The following CDH13 variants were observed in gnomAD, a reference collection of about 807,000 sequenced individuals.
The protein encoded by CDH13 is cadherin-13.
Under a neutral mutation model 63.8 loss-of-function variants are expected in CDH13, and 24 were observed. That is an observed-to-expected ratio of 0.38 (90% confidence interval 0.27 to 0.53). The LOEUF is 0.53. Ranked by LOEUF, CDH13 falls within the 20% of genes least tolerant of loss-of-function variation. The pLI, the probability that CDH13 is intolerant of heterozygous loss-of-function variation, is 0.85. For missense variants in CDH13, 1,049 were observed against 903.1 expected (o/e 1.16, Z -2.07); for synonymous variants, 503 against 355.3 (o/e 1.42, Z -4.67).
chr16:83,200,021 C>T (rs1235004505), intron 4 of CDH13, among the ~76,000 whole-genome samples: 1 of 152,292 alleles, frequency 6.6e-6, no homozygotes, highest in East Asian at 1.9e-4. Flanking sequence ...CATGGGGAGA[C>T]AGTGGCTGGG....
chr16:83,099,502 T>A, intron 3 of CDH13, among the ~76,000 whole-genome samples: 1 of 151,658 alleles, frequency 6.6e-6, no homozygotes, highest in South Asian at 2.1e-4. Context: ...TTTTGCATTT[T>A]TAGTAGAGAC....
intron 2 of CDH13, among the ~76,000 whole-genome samples, chr16:83,015,677 G>GTATATATATATATATATATATATATA (rs71148803): frequency 2.7e-5 from 1 of 37,568 alleles, no homozygotes; most frequent in Non-Finnish European, 4.9e-5. Context: ...GTGTGTGTAT[G>GTATATATATATATATATATATATATA]TATATATATA....
chr16:83,240,947 G>A (rs1904384681), intron 5 of CDH13, among the ~76,000 whole-genome samples: 1 of 151,938 alleles, frequency 6.6e-6, no homozygotes, highest in Non-Finnish European at 1.5e-5. Context: ...TCTTCATCTT[G>A]CAATAGTAAA....
At position 83,011,489 on chromosome 16, in the gene CDH13, G is replaced by A. The variant is rs374072973; in HGVS notation, c.158-20521G>A. On this transcript the variant is annotated intron_variant, in intron 2 of 13. Transcript: ENST00000567109. ...CTCTCACATATGGTAATCCCCAGGG[G>A]CTTGTACTGTCATGACCCATGTTGC... Among the ~76,000 whole-genome samples, 75 of 152,240 alleles carry A rather than the reference G, an allele frequency of 4.9e-4. No homozygotes were observed. In the South Asian group the frequency reaches 0.015, roughly 30 times the overall value.
chr16:83,307,067 A>G (rs2151881983), intron 5 of CDH13, among the ~76,000 whole-genome samples: 1 of 152,316 alleles, frequency 6.6e-6, no homozygotes, highest in South Asian at 2.1e-4. Flanking sequence ...CATATAAGCT[A>G]CAGTTGGGTG....
chr16:82,676,223 C>T (rs1339227996), intron 1 of CDH13, among the ~76,000 whole-genome samples: 1 of 152,204 alleles, frequency 6.6e-6, no homozygotes, highest in African/African-American at 2.4e-5. Flanking sequence ...TGTATACCCA[C>T]TGCCTACTTG....
intron 4 of CDH13, among the ~76,000 whole-genome samples, chr16:83,148,677 T>C (rs2036853165): frequency 6.6e-6 from 1 of 152,232 alleles, no homozygotes; most frequent in African/African-American, 2.4e-5. Context: ...ATGGTGTTAT[T>C]ATTATTATGA....
intron 3 of CDH13, among the ~76,000 whole-genome samples, chr16:83,076,608 C>T (rs7187105): frequency 0.03 from 4,504 of 152,140 alleles, 227 homozygotes; most frequent in African/African-American, 0.1. Context: ...TTTCCATATA[C>T]TTGCTTTATA....
chr16:83,350,154 T>C (rs1316863918), intron 6 of CDH13, among the ~76,000 whole-genome samples: 1 of 152,146 alleles, frequency 6.6e-6, no homozygotes, highest in African/African-American at 2.4e-5. Flanking sequence ...TCAGCTCCAA[T>C]ATCCTGTCCT....
intron 2 of CDH13, among the ~76,000 whole-genome samples, chr16:82,903,394 G>T (rs956171566): frequency 1.3e-5 from 2 of 152,192 alleles, no homozygotes; most frequent in Admixed American, 6.5e-5. Flanking sequence ...GCTTTGGATT[G>T]CTTTGCCTAC....
chr16:83,306,429 G>A lies in CDH13; in HGVS notation c.637-38433G>A, dbSNP rs564906123. Among the ~76,000 whole-genome samples, 6 of 152,192 alleles carry A rather than the reference G, an allele frequency of 3.9e-5. No homozygotes were observed. In the East Asian group the frequency reaches 1.2e-3, roughly 29 times the overall value. ...TGAGAGCCCAGATTCATTCTTGTGG[G>A]GATGGATTAACTCCCCTGAAAGGAG... On this transcript the variant is annotated intron_variant, in intron 5 of 13. Transcript: ENST00000567109.
At chr16:83,056,070 G>T (rs2030897759) in intron 3 of CDH13, among the ~76,000 whole-genome samples, 3 of 152,262 alleles carry the variant, frequency 2.0e-5, no homozygotes, top group South Asian at 2.1e-4. Flanking sequence ...AACAAAAGAG[G>T]ATATCTACAT....
intron 4 of CDH13, among the ~76,000 whole-genome samples, chr16:83,158,928 C>G (rs180988513): frequency 1.3e-5 from 2 of 152,202 alleles, no homozygotes; most frequent in African/African-American, 2.4e-5. Flanking sequence ...CTAAATAACA[C>G]TGTTCTCAGG....
At chr16:82,916,776 T>C (rs535431709) in intron 2 of CDH13, among the ~76,000 whole-genome samples, 18 of 152,324 alleles carry the variant, frequency 1.2e-4, no homozygotes, top group Non-Finnish European at 2.2e-4. Context: ...ATTTTAATTT[T>C]GAAGTAACAG....
At chr16:83,168,128 C>G (rs2037763626) in intron 4 of CDH13, among the ~76,000 whole-genome samples, 2 of 151,928 alleles carry the variant, frequency 1.3e-5, no homozygotes, top group Non-Finnish European at 2.9e-5. Context: ...CAATGATACT[C>G]AAACCTCAGC....
At chr16:82,893,689 G>A (rs960995863) in intron 2 of CDH13, among the ~76,000 whole-genome samples, 8 of 152,128 alleles carry the variant, frequency 5.3e-5, no homozygotes, top group Admixed American at 1.3e-4. Context: ...GAATCTCTTC[G>A]AGGAAGTTCT....
chr16:83,489,633 T>A (rs1225694364), intron 7 of CDH13, among the ~76,000 whole-genome samples: 2 of 152,198 alleles, frequency 1.3e-5, no homozygotes, highest in Non-Finnish European at 2.9e-5. Context: ...GAGTTTGCAA[T>A]GTTTTCCTCC....
At chr16:83,223,775 G>C (rs565031980) in intron 5 of CDH13, among the ~76,000 whole-genome samples, 17 of 152,356 alleles carry the variant, frequency 1.1e-4, no homozygotes, top group African/African-American at 4.1e-4. Context: ...GTACAGGAAA[G>C]TCCGCTTGCC....
chr16:82,952,433 G>C (rs1216031996), intron 2 of CDH13, among the ~76,000 whole-genome samples: 1 of 152,178 alleles, frequency 6.6e-6, no homozygotes, highest in Non-Finnish European at 1.5e-5. Flanking sequence ...GTGTTGGCTA[G>C]CATTCATGCC....
Sources: gnomAD v4.1 joint callset for allele counts (sites outside exome capture counted in the v4.1 genomes callset) on GRCh38, gnomAD v4.1.1 for gene constraint, MANE v1.5 for transcripts, NCBI Gene and HGNC (gene_info 2026-07-23, HGNC 2026-07-21) for gene names.